FKBP1B: variants seen among roughly 807,000 people sequenced by gnomAD.
FKBP1B encodes peptidyl-prolyl cis-trans isomerase FKBP1B.
A neutral mutation model predicts 13.5 loss-of-function variants in FKBP1B; 4 were observed. That is an observed-to-expected ratio of 0.30 (90% CI 0.15 to 0.68). The LOEUF (loss-of-function observed/expected upper bound fraction) is 0.68, where lower values mean the gene tolerates loss of function less well. FKBP1B is among the 30% of genes least tolerant of loss of function. The probability of loss-of-function intolerance (pLI) is 0.76; values close to 1 mark genes in which losing one functional copy is unlikely to be tolerated. For missense variants in FKBP1B, 93 were observed against 136.2 expected, an observed-to-expected ratio of 0.68 and a Z score of 1.58; for synonymous variants, 54 against 53.6, an observed-to-expected ratio of 1.01 and a Z score of -0.03.
chr2:24,038,372 G>T, the FKBP1B span: 1 of 1,614,008 alleles, frequency 6.2e-7, no homozygotes, highest in Non-Finnish European at 8.5e-7. Flanking sequence ...TGGATGTTTG[G>T]GACTGAAGAT....
intron 3 of FKBP1B, among the ~76,000 whole-genome samples, chr2:24,061,219 C>CT (rs1294925844): frequency 2.0e-5 from 3 of 152,152 alleles, no homozygotes; most frequent in Non-Finnish European, 4.4e-5. Flanking sequence ...AATCCCAGCA[C>CT]TTTGGGAGGC....
chr2:24,045,058 C>A (rs1405904513), upstream of FKBP1B, among the ~76,000 whole-genome samples: 1 of 152,090 alleles, frequency 6.6e-6, no homozygotes, highest in Admixed American at 6.6e-5. Context: ...TAACAATATG[C>A]AGAATGGACC....
chr2:24,042,068 T>C, the FKBP1B span, among the ~76,000 whole-genome samples: 1 of 152,008 alleles, frequency 6.6e-6, no homozygotes, highest in Non-Finnish European at 1.5e-5. Flanking sequence ...GATATAAGAA[T>C]AAAATGTTGC....
the FKBP1B span, chr2:24,038,901 C>T: frequency 1.2e-6 from 2 of 1,614,206 alleles, no homozygotes; most frequent in Non-Finnish European, 1.7e-6. Flanking sequence ...CATCAAACAC[C>T]AGGCAGGAGG....
At chr2:24,044,109 T>A in the FKBP1B span, among the ~76,000 whole-genome samples, 1 of 152,218 alleles carries the variant, frequency 6.6e-6, no homozygotes, top group African/African-American at 2.4e-5. Context: ...TACACTTTCA[T>A]GGGCAGAGAA....
At chr2:24,061,963 G>A (rs975810751) in intron 3 of FKBP1B, among the ~76,000 whole-genome samples, 1 of 151,990 alleles carries the variant, frequency 6.6e-6, no homozygotes, top group African/African-American at 2.4e-5. Flanking sequence ...TCCGCGTCCT[G>A]GGTTCACGCC....
At chr2:24,037,614 T>C in the FKBP1B span, 1 of 1,478,232 alleles carries the variant, frequency 6.8e-7, no homozygotes, top group Non-Finnish European at 9.1e-7. Context: ...ATACGTTTCT[T>C]GCAGTACTCA....
At chr2:24,056,948 C>T (rs978354766) in intron 2 of FKBP1B, among the ~76,000 whole-genome samples, 1 of 152,144 alleles carries the variant, frequency 6.6e-6, no homozygotes, top group African/African-American at 2.4e-5. Context: ...GCCTCGGCCT[C>T]CCAGAGTACT....
At chr2:24,060,516 C>T (rs988875359) in intron 2 of FKBP1B, among the ~76,000 whole-genome samples, 1 of 152,088 alleles carries the variant, frequency 6.6e-6, no homozygotes, top group Non-Finnish European at 1.5e-5. Context: ...TGTGCCACTG[C>T]ACTCCAGCCT....
the FKBP1B span, chr2:24,039,244 T>A: frequency 6.2e-7 from 1 of 1,614,252 alleles, no homozygotes; most frequent in Non-Finnish European, 8.5e-7. Context: ...CACAGTGACA[T>A]GCTTCTCATG....
chr2:24,047,188 ATCCTC>A (rs1414046380), upstream of FKBP1B: 2 of 149,734 alleles, frequency 1.3e-5, no homozygotes, highest in East Asian at 3.9e-4. Context: ...CATTCTCCTC[ATCCTC>A]TCTGCACGCC....
At chr2:24,037,875 A>AGGAG in the FKBP1B span, 21 of 1,614,046 alleles carry the variant, frequency 1.3e-5, no homozygotes, top group Non-Finnish European at 1.8e-5. Flanking sequence ...GAGGCAAACG[A>AGGAG]GGAGGCTCCA....
chr2:24,053,655 G>A (rs983214568), intron 1 of FKBP1B, among the ~76,000 whole-genome samples: 5 of 151,726 alleles, frequency 3.3e-5, no homozygotes, highest in Non-Finnish European at 7.4e-5. Flanking sequence ...GAAAGTGGGG[G>A]TGGGGTGGTG....
the FKBP1B span, chr2:24,039,544 G>A: frequency 6.4e-7 from 1 of 1,572,346 alleles, no homozygotes; most frequent in Admixed American, 1.8e-5. Flanking sequence ...GTTACACCAT[G>A]AGAAATCTAG....
At chr2:24,038,948 T>C in the FKBP1B span, 1 of 1,614,150 alleles carries the variant, frequency 6.2e-7, no homozygotes, top group South Asian at 1.1e-5. Context: ...CTGTCCCAAA[T>C]ATAAGAATGC....
At chr2:24,036,883 C>A in the FKBP1B span, among the ~76,000 whole-genome samples, 1 of 152,038 alleles carries the variant, frequency 6.6e-6, no homozygotes, top group Non-Finnish European at 1.5e-5. Context: ...CTGGTTACAG[C>A]GGATTAAGGG....
At chr2:24,055,514 T>A (rs1437375258) in intron 2 of FKBP1B, among the ~76,000 whole-genome samples, 6 of 152,230 alleles carry the variant, frequency 3.9e-5, no homozygotes. Context: ...GGCTGGCAAC[T>A]ATTACTCTGA....
chr2:24,035,632 T>C, the FKBP1B span, among the ~76,000 whole-genome samples: 2 of 152,242 alleles, frequency 1.3e-5, no homozygotes, highest in African/African-American at 4.8e-5. Flanking sequence ...ATCAAAACTA[T>C]GGCTGGGTGC....
upstream of FKBP1B, among the ~76,000 whole-genome samples, chr2:24,045,162 C>T (rs1663572559): frequency 6.6e-6 from 1 of 152,100 alleles, no homozygotes; most frequent in African/African-American, 2.4e-5. Context: ...AGGCCATATT[C>T]AAGAGATGCT....
Sources: allele counts gnomAD v4.1 joint callset (sites outside exome capture counted in the v4.1 genomes callset), GRCh38; gene constraint gnomAD v4.1.1; transcripts MANE v1.5; gene names NCBI Gene and HGNC (gene_info 2026-07-23, HGNC 2026-07-21).